The following LDLRAD3 variants were observed in gnomAD, a reference collection of about 807,000 sequenced individuals.
LDLRAD3 encodes low density lipoprotein receptor class A domain containing 3, also known as low-density lipoprotein receptor class A domain-containing protein 3.
Under a neutral mutation model 29.4 loss-of-function variants are expected in LDLRAD3, and 20 were observed. That is an observed-to-expected ratio of 0.68 (90% CI 0.48 to 0.99). The LOEUF (loss-of-function observed/expected upper bound fraction) is 0.99. Among genes scored for constraint, LDLRAD3 ranks in the 50% least tolerant of loss-of-function variants. The pLI is 0.00. For synonymous variants in LDLRAD3, 157 were observed against 192.7 expected (o/e 0.81, Z 1.53); for missense variants, 420 against 454.3 (o/e 0.92, Z 0.69).
intron 1 of LDLRAD3, among the ~76,000 whole-genome samples, chr11:35,981,104 A>G (rs1397367118): frequency 6.7e-6 from 1 of 150,034 alleles, no homozygotes; most frequent in Non-Finnish European, 1.5e-5. Context: ...CTTTGGGGCC[A>G]TGGTCCACTT....
chr11:36,048,691 A>G (rs1411179812), intron 2 of LDLRAD3, among the ~76,000 whole-genome samples: 12 of 152,090 alleles, frequency 7.9e-5, no homozygotes, highest in Non-Finnish European at 1.6e-4. Context: ...TTCTAATCCT[A>G]TTCTGGTGGT....
At chr11:36,038,853 G>A (rs1185207144) in intron 2 of LDLRAD3, among the ~76,000 whole-genome samples, 2 of 152,082 alleles carry the variant, frequency 1.3e-5, no homozygotes, top group African/African-American at 4.8e-5. Context: ...TCTCTCTGTA[G>A]CCCTTCTTTT....
intron 4 of LDLRAD3, among the ~76,000 whole-genome samples, chr11:36,128,820 G>A (rs1275629479): frequency 6.6e-6 from 1 of 150,752 alleles, no homozygotes; most frequent in Non-Finnish European, 1.5e-5. Context: ...CTGCACTCCA[G>A]CCTGGGTAAG....
chr11:36,176,649 T>A (rs781284799), intron 4 of LDLRAD3, among the ~76,000 whole-genome samples: 1 of 152,204 alleles, frequency 6.6e-6, no homozygotes, highest in African/African-American at 2.4e-5. Context: ...GACCACTCCC[T>A]TCTAGCCTGC....
intron 4 of LDLRAD3, among the ~76,000 whole-genome samples, chr11:36,146,034 A>G (rs12225467): frequency 0.18 from 26,683 of 149,702 alleles, 2,827 homozygotes; most frequent in East Asian, 0.33. Flanking sequence ...GTTGGAGGTT[A>G]GGACTTCAAC....
At chr11:36,111,687 G>A (rs1316779842) in intron 4 of LDLRAD3, among the ~76,000 whole-genome samples, 3 of 150,774 alleles carry the variant, frequency 2.0e-5, no homozygotes, top group Admixed American at 6.6e-5. Context: ...TGCATCCTCC[G>A]CCTCCCGGGT....
At chr11:35,956,400 A>G (rs939931254) in intron 1 of LDLRAD3, among the ~76,000 whole-genome samples, 5 of 152,238 alleles carry the variant, frequency 3.3e-5, no homozygotes, top group African/African-American at 1.2e-4. Flanking sequence ...AGATTTTACA[A>G]TATGGATTGT....
intron 4 of LDLRAD3, among the ~76,000 whole-genome samples, chr11:36,204,064 G>A (rs1005014754): frequency 2.0e-5 from 3 of 151,870 alleles, no homozygotes; most frequent in African/African-American, 7.3e-5. Context: ...GCCATTAGCT[G>A]ACCCGGGGAG....
intron 1 of LDLRAD3, among the ~76,000 whole-genome samples, chr11:35,989,754 G>A (rs7122624): frequency 0.028 from 4,292 of 152,226 alleles, 182 homozygotes; most frequent in African/African-American, 0.098. Context: ...CATTGATTTT[G>A]TATCCCAAAA....
chr11:36,225,401 G>GGT (rs1855485116), intron 4 of LDLRAD3, among the ~76,000 whole-genome samples: 1 of 152,212 alleles, frequency 6.6e-6, no homozygotes. Context: ...GTGGTAGCCA[G>GGT]GTGTGTCCTG....
At chr11:36,015,901 C>A (rs1008788322) in intron 1 of LDLRAD3, among the ~76,000 whole-genome samples, 3 of 152,194 alleles carry the variant, frequency 2.0e-5, no homozygotes, top group Admixed American at 2.0e-4. Flanking sequence ...TTGTTCCAGG[C>A]GCCCTTGAAT....
At position 36,011,599 on chromosome 11, in the gene LDLRAD3, G is replaced by T. The variant is rs1851956530; in HGVS notation, c.47-24504G>T. Reference sequence around the variant, plus strand: ...ATACTGATATTATAACCTTTGAAAGGGTGGAGAGAGAACCATAAGCAATTG... The same window carrying T: ...ATACTGATATTATAACCTTTGAAAGTGTGGAGAGAGAACCATAAGCAATTG... On this transcript the variant is annotated intron_variant, in intron 1 of 5. Coordinates refer to ENST00000315571, the MANE Select transcript of LDLRAD3 (RefSeq NM_174902.4). Among the ~76,000 whole-genome samples, 3 of 151,986 alleles carry T rather than the reference G, an allele frequency of 2.0e-5. No individual in the cohort carries two copies. The South Asian group carries it at 6.2e-4, about 32-fold the overall frequency.
At chr11:36,139,926 T>C (rs1172000096) in intron 4 of LDLRAD3, among the ~76,000 whole-genome samples, 1 of 151,954 alleles carries the variant, frequency 6.6e-6, no homozygotes, top group Non-Finnish European at 1.5e-5. Context: ...TGGGCACTGA[T>C]TGGTTCTTCT....
intron 1 of LDLRAD3, chr11:35,967,728 C>G (rs1421986539): frequency 4.2e-6 from 2 of 475,546 alleles, no homozygotes; most frequent in Non-Finnish European, 8.5e-6. Flanking sequence ...TATTTAAGTT[C>G]AAGGGAAATC....
chr11:35,956,938 C>T (rs1212984005), intron 1 of LDLRAD3, among the ~76,000 whole-genome samples: 1 of 152,094 alleles, frequency 6.6e-6, no homozygotes, highest in Non-Finnish European at 1.5e-5. Flanking sequence ...GGTTTCACCA[C>T]GTTAGCCAGG....
At chr11:36,104,871 G>A (rs572985810) in intron 4 of LDLRAD3, among the ~76,000 whole-genome samples, 3 of 152,084 alleles carry the variant, frequency 2.0e-5, no homozygotes, top group East Asian at 1.9e-4. Flanking sequence ...ACTTTCAGGC[G>A]GTCAGTCCTA....
chr11:36,136,379 C>T (rs1165238270), intron 4 of LDLRAD3, among the ~76,000 whole-genome samples: 1 of 152,190 alleles, frequency 6.6e-6, no homozygotes, highest in African/African-American at 2.4e-5. Context: ...TTTGTCCCTG[C>T]CCAAATCTCA....
intron 2 of LDLRAD3, among the ~76,000 whole-genome samples, chr11:36,037,602 T>C (rs1852321244): frequency 6.6e-6 from 1 of 152,180 alleles, no homozygotes. Context: ...CATGAGCCAC[T>C]GTGCCCAGTC....
At chr11:36,104,409 A>C (rs1853496516) in intron 4 of LDLRAD3, among the ~76,000 whole-genome samples, 1 of 152,126 alleles carries the variant, frequency 6.6e-6, no homozygotes, top group Admixed American at 6.5e-5. Context: ...TTGTTTGTTT[A>C]AACCTCTAAG....
Sources: allele counts gnomAD v4.1 joint callset (sites outside exome capture counted in the v4.1 genomes callset), GRCh38; gene constraint gnomAD v4.1.1; transcripts MANE v1.5; gene names NCBI Gene and HGNC (gene_info 2026-07-23, HGNC 2026-07-21).